Variants in EBF3 observed in about 807,000 individuals in gnomAD.
EBF3 encodes EBF transcription factor 3, also known as transcription factor COE3.
EBF3 carries 18 observed loss-of-function variants against 77.1 expected under a neutral mutation model. That is an observed-to-expected ratio of 0.23 (90% confidence interval 0.16 to 0.35). The LOEUF (loss-of-function observed/expected upper bound fraction) is 0.35, where lower values mean the gene tolerates loss of function less well. Among genes scored for constraint, EBF3 ranks in the 10% least tolerant of loss-of-function variants. The pLI, the probability that EBF3 is intolerant of heterozygous loss-of-function variation, is 1.00. For synonymous variants in EBF3, 350 were observed against 343.5 expected (o/e 1.02, Z -0.21); for missense variants, 558 against 860.0 (o/e 0.65, Z 4.39).
intron 6 of EBF3, among the ~76,000 whole-genome samples, chr10:129,880,982 T>G (rs1853166542): frequency 6.6e-6 from 1 of 152,188 alleles, no homozygotes; most frequent in African/African-American, 2.4e-5. Context: ...GTGAGAAAAT[T>G]GAATGCCCAA....
At chr10:129,890,659 C>T (rs1463228640) in intron 6 of EBF3, among the ~76,000 whole-genome samples, 1 of 152,236 alleles carries the variant, frequency 6.6e-6, no homozygotes, top group African/African-American at 2.4e-5. Context: ...AAGCAACTTC[C>T]CCTAACAATA....
intron 10 of EBF3, among the ~76,000 whole-genome samples, chr10:129,850,036 G>C (rs76162430): frequency 0.013 from 1,937 of 152,362 alleles, 44 homozygotes; most frequent in African/African-American, 0.043. Flanking sequence ...CGGGCCGCGG[G>C]GCGCGTGCGC....
At position 129,877,831 on chromosome 10, in the gene EBF3, G is replaced by A. The variant is rs778039418; in HGVS notation, c.573C>T (p.Phe191=). The A allele has an allele frequency of 2.5e-6, 4 of 1,612,152 alleles. No homozygotes were observed. The South Asian group carries it at 4.4e-5, about 18-fold the overall frequency. The change falls in exon 7 of 17, where the codon TTC becomes TTT. Residue 191 remains phenylalanine (F), a synonymous_variant. Transcript: ENST00000440978. ...TCAAACAGTTCTGATTGCACTTGAGGAAAAACTTTAGAAAGAATCTATAAA... is the reference window on the plus strand; with the variant it reads ...TCAAACAGTTCTGATTGCACTTGAGAAAAAACTTTAGAAAGAATCTATAAA... ...VIIDRFFLKF[F]LKCNQNCLKN... is the part of the protein sequence containing the mutation.
chr10:129,857,169 T>C (rs1386635827), intron 10 of EBF3, among the ~76,000 whole-genome samples: 1 of 152,212 alleles, frequency 6.6e-6, no homozygotes, highest in Non-Finnish European at 1.5e-5. Context: ...AAAGGAATGT[T>C]CTAAGGCAGA....
Position 129,900,735 on chromosome 10 carries a change from G to A in EBF3, c.555-22886C>T, listed in dbSNP as rs558482750. Among the ~76,000 whole-genome samples the A allele has an allele frequency of 1.5e-4, 23 of 152,378 alleles. No individual in the cohort carries two copies. In the South Asian group the frequency reaches 3.5e-3, roughly 23 times the overall value. ...TGTGAGAGCACTCATGAGGAGCACC[G>A]TAGCGGGGGTGCTCCTGAACTTCTG... is the stretch of plus-strand genomic sequence containing the variant. On this transcript the variant is annotated intron_variant, in intron 6 of 16. Transcript: ENST00000440978.
intron 6 of EBF3, among the ~76,000 whole-genome samples, chr10:129,901,745 AAATATTAAAATCGCACAGC>A (rs1854796042): frequency 6.6e-6 from 1 of 152,202 alleles, no homozygotes; most frequent in African/African-American, 2.4e-5. Flanking sequence ...CACATGCACC[AAATATTAAAATCGCACAGC>A]GGCGCCCTCG....
intron 10 of EBF3, among the ~76,000 whole-genome samples, chr10:129,856,321 A>C (rs1851249741): frequency 6.6e-6 from 1 of 152,212 alleles, no homozygotes; most frequent in Admixed American, 6.5e-5. Flanking sequence ...TGTTTTCCAT[A>C]ACATCCAAAT....
Position 129,963,184 on chromosome 10 carries a change from G to T in EBF3, c.292-179C>A. The T allele has an allele frequency of 8.7e-7, 1 of 1,144,020 alleles. No homozygotes were observed. Among genetic ancestry groups the T allele is most frequent in the Non-Finnish European group, 1.2e-6 (1 of 818,146 alleles). 70.9% of individuals were successfully genotyped at this position (1,144,020 alleles called of 1,614,324 possible). ...CCAGCGTTCTCCTCGCCCCGAGTAAGTCCGAGGGCGCAGAGAAGTTGCCCA... is the reference window on the plus strand; with the variant it reads ...CCAGCGTTCTCCTCGCCCCGAGTAATTCCGAGGGCGCAGAGAAGTTGCCCA... On this transcript the variant is annotated intron_variant, in intron 2 of 16. Coordinates refer to ENST00000440978, the MANE Select transcript of EBF3 (RefSeq NM_001375380.1). This position sits in a 1 kb window ranked among gnomAD's most constrained non-coding sequence, Gnocchi z 7.1.
chr10:129,839,765 C>A (rs1411762399), intron 15 of EBF3, among the ~76,000 whole-genome samples: 1 of 152,236 alleles, frequency 6.6e-6, no homozygotes, highest in African/African-American at 2.4e-5. Context: ...CCACAGGTAG[C>A]ATGGTGCCCC....
chr10:129,859,903 G>A (rs1039144121), intron 10 of EBF3, among the ~76,000 whole-genome samples: 4 of 152,162 alleles, frequency 2.6e-5, no homozygotes, highest in African/African-American at 4.8e-5. Context: ...ATTTTTCCAG[G>A]ACAACAGAGT....
intron 10 of EBF3, among the ~76,000 whole-genome samples, chr10:129,862,327 C>A (rs939532872): frequency 1.3e-5 from 2 of 152,058 alleles, no homozygotes; most frequent in Admixed American, 6.6e-5. Context: ...GGGCTGGGAG[C>A]GGTCCAGGTA....
intron 6 of EBF3, among the ~76,000 whole-genome samples, chr10:129,931,762 T>C (rs964007098): frequency 1.3e-5 from 2 of 152,244 alleles, no homozygotes; most frequent in Non-Finnish European, 2.9e-5. Context: ...AAACTGTTGC[T>C]ATCATGAAGC....
At chr10:129,908,385 G>A (rs1855289114) in intron 6 of EBF3, among the ~76,000 whole-genome samples, 2 of 152,200 alleles carry the variant, frequency 1.3e-5, no homozygotes, top group Admixed American at 1.3e-4. Flanking sequence ...CAGCTAGTTT[G>A]CACCTAAATA....
intron 10 of EBF3, among the ~76,000 whole-genome samples, chr10:129,859,472 G>A (rs1851472650): frequency 1.3e-5 from 2 of 152,118 alleles, no homozygotes; most frequent in African/African-American, 2.4e-5. Context: ...TGATCCACCC[G>A]CCTCAGCCTC....
At chr10:129,926,982 C>T (rs766972233) in intron 6 of EBF3, among the ~76,000 whole-genome samples, 4 of 152,242 alleles carry the variant, frequency 2.6e-5, no homozygotes, top group Non-Finnish European at 4.4e-5. Flanking sequence ...GGTGGGCATC[C>T]TCCACCGTGG....
Position 129,958,864 on chromosome 10 carries a change from C to G in EBF3, c.485+70G>C. 15 of 1,507,252 alleles carry G rather than the reference C, an allele frequency of 1.0e-5. No homozygotes were observed. The South Asian group carries it at 1.5e-4, about 15-fold the overall frequency. 93.4% of individuals were successfully genotyped at this position (1,507,252 alleles called of 1,614,324 possible). On this transcript the variant is annotated intron_variant, in intron 5 of 16. Transcript: ENST00000440978. ...TGGGCGGGGTGGCGGCGCCTGGACG[C>G]GGCGTCCTTTGTAGACGCAGCTGGC...
At chr10:129,934,262 C>T (rs1857212265) in intron 6 of EBF3, among the ~76,000 whole-genome samples, 1 of 152,020 alleles carries the variant, frequency 6.6e-6, no homozygotes, top group Non-Finnish European at 1.5e-5. Flanking sequence ...CTCCCCACTT[C>T]CAGGCAGCGA....
rs977407585 is a variant in EBF3 at position 129,837,753 on chromosome 10, G to T, written c.*190C>A. 1 of 660,736 alleles carries T rather than the reference G, an allele frequency of 1.5e-6. No individual in the cohort carries two copies. Among genetic ancestry groups the T allele is most frequent in the Non-Finnish European group, 2.6e-6 (1 of 388,868 alleles). The allele number at this position is 660,736 out of a possible 1,614,324, so 40.9% of individuals were successfully genotyped here. On this transcript the variant is annotated 3_prime_UTR_variant, in exon 17 of 17. Coordinates refer to ENST00000440978, the MANE Select transcript of EBF3 (RefSeq NM_001375380.1). ...TTGTTCATGAAGAAGTAGGCTGTTTGCATGTTGATTCTTAATAGTTTAAAT... is the reference window on the plus strand; with the variant it reads ...TTGTTCATGAAGAAGTAGGCTGTTTTCATGTTGATTCTTAATAGTTTAAAT...
rs1858754031 is a variant in EBF3 at position 129,952,651 on chromosome 10, T to C, written c.554+4607A>G. On this transcript the variant is annotated intron_variant, in intron 6 of 16. Transcript: ENST00000440978. This position sits in a 1 kb window ranked among gnomAD's most constrained non-coding sequence, Gnocchi z 4.7. ...TCTCTGCTTGGAGATGGAGTAGGAATAAAAACATTGGGACTGGTCAAATGT... is the reference window on the plus strand; with the variant it reads ...TCTCTGCTTGGAGATGGAGTAGGAACAAAAACATTGGGACTGGTCAAATGT... Among the ~76,000 whole-genome samples the C allele has an allele frequency of 6.6e-6, 1 of 152,026 alleles. No homozygotes were observed. The highest frequency in any genetic ancestry group is 1.5e-5 in the Non-Finnish European group (1 of 67,990).
Sources: allele counts gnomAD v4.1 joint callset (sites outside exome capture counted in the v4.1 genomes callset), GRCh38; gene constraint gnomAD v4.1.1; non-coding constraint Gnocchi (gnomAD v3.1); transcripts MANE v1.5; gene names NCBI Gene and HGNC (gene_info 2026-07-23, HGNC 2026-07-21).